The following NDST4 variants were observed in gnomAD, a reference collection of about 807,000 sequenced individuals.
NDST4 encodes the protein N-deacetylase and N-sulfotransferase 4, also known as N-heparan sulfate sulfotransferase 4.
In NDST4, 63 loss-of-function variants were observed where a neutral mutation model predicts 100.8. That is an observed-to-expected ratio of 0.62 (90% CI 0.51 to 0.77). The LOEUF (loss-of-function observed/expected upper bound fraction) is 0.77. NDST4 is among the 30% of genes least tolerant of loss of function. The pLI is 0.00. For missense variants in NDST4, 943 were observed against 1,018.4 expected (o/e 0.93, Z 1.01); for synonymous variants, 377 against 361.8 (o/e 1.04, Z -0.48).
intron 6 of NDST4, among the ~76,000 whole-genome samples, chr4:114,875,661 A>G (rs1256863721): frequency 2.0e-5 from 3 of 152,352 alleles, no homozygotes; most frequent in South Asian, 2.1e-4. Context: ...TGCAAATTAT[A>G]CAATTAATTG....
At chr4:114,914,608 TG>T (rs1258156094) in intron 6 of NDST4, among the ~76,000 whole-genome samples, 1 of 152,166 alleles carries the variant, frequency 6.6e-6, no homozygotes, top group Non-Finnish European at 1.5e-5. Flanking sequence ...GTGTAGACTA[TG>T]GGGAACATTT....
At chr4:115,014,205 C>A (rs1031707775) in intron 2 of NDST4, among the ~76,000 whole-genome samples, 4 of 152,016 alleles carry the variant, frequency 2.6e-5, no homozygotes, top group African/African-American at 9.7e-5. Flanking sequence ...TTTGCACTAC[C>A]CTGAGTCTCA....
chr4:115,017,890 A>G (rs900072825), intron 2 of NDST4, among the ~76,000 whole-genome samples: 5 of 151,962 alleles, frequency 3.3e-5, no homozygotes, highest in African/African-American at 1.2e-4. Context: ...TAGAGAAAGT[A>G]TATCTGGTTA....
intron 2 of NDST4, among the ~76,000 whole-genome samples, chr4:115,047,617 C>G (rs1728491658): frequency 6.6e-6 from 1 of 151,972 alleles, no homozygotes; most frequent in South Asian, 2.1e-4. Flanking sequence ...TGCTATTACA[C>G]AAAATATTTT....
chr4:115,026,143 A>T (rs1372088285), intron 2 of NDST4, among the ~76,000 whole-genome samples: 3 of 152,048 alleles, frequency 2.0e-5, no homozygotes, highest in Non-Finnish European at 4.4e-5. Flanking sequence ...GATTGCATGT[A>T]CTTTAACCTT....
intron 6 of NDST4, among the ~76,000 whole-genome samples, chr4:114,929,074 G>GTCCGTCCATCCATCCATCCATCCA (rs1560816975): frequency 8.3e-6 from 1 of 120,560 alleles, no homozygotes; most frequent in African/African-American, 3.4e-5. Context: ...CCGTCCGTCC[G>GTCCGTCCATCCATCCATCCATCCA]TCCATCCATC....
At chr4:114,922,988 G>A (rs1001236032) in intron 6 of NDST4, among the ~76,000 whole-genome samples, 4 of 152,138 alleles carry the variant, frequency 2.6e-5, no homozygotes, top group African/African-American at 9.7e-5. Context: ...AGAAAGCAGA[G>A]ATGAAATCTG....
intron 2 of NDST4, among the ~76,000 whole-genome samples, chr4:114,991,205 T>A (rs1198128964): frequency 6.6e-6 from 1 of 152,008 alleles, no homozygotes; most frequent in Non-Finnish European, 1.5e-5. Flanking sequence ...CATGGTGCAC[T>A]TATTTAAGAC....
chr4:114,912,515 G>A (rs772645264), intron 6 of NDST4, among the ~76,000 whole-genome samples: 9 of 152,138 alleles, frequency 5.9e-5, no homozygotes, highest in Non-Finnish European at 1.3e-4. Flanking sequence ...CATGTTGGCA[G>A]TTAAACCCGA....
At chr4:114,865,222 G>C (rs1724002417) in intron 7 of NDST4, among the ~76,000 whole-genome samples, 1 of 151,872 alleles carries the variant, frequency 6.6e-6, no homozygotes, top group Non-Finnish European at 1.5e-5. Context: ...ACACCACCAT[G>C]CCTGGCTAAT....
Position 115,076,965 on chromosome 4 carries a change from C to T in NDST4, c.72G>A (p.Val24=). 1 of 1,613,342 alleles carries T rather than the reference C, an allele frequency of 6.2e-7. No homozygotes were observed. Among genetic ancestry groups the T allele is most frequent in the Non-Finnish European group, 8.5e-7 (1 of 1,179,630 alleles). ...GAAAATAGGCAGAAATGACAATGCT[C>T]ACCAAGCAAAAGGTAGCTAAGAGAA... ...LIVLLATFCL[V]SIVISAYFLY... is the part of the protein sequence containing the mutation. The change falls in exon 2 of 14, where the codon GTG becomes GTA. Residue 24 remains valine (V), a synonymous_variant. Transcript: ENST00000264363.
Position 114,839,534 on chromosome 4 carries a change from A to C in NDST4, c.2130T>G (p.His710Gln). 3 of 1,613,392 alleles carry C rather than the reference A, an allele frequency of 1.9e-6. No individual in the cohort carries two copies. The highest frequency in any genetic ancestry group is 2.5e-6 in the Non-Finnish European group (3 of 1,179,666). ...AYSWYQHQRSHEDPAALRFNF... is the reference protein window; with the variant it reads ...AYSWYQHQRSQEDPAALRFNF... ...TGAACCTCAGAGCAGCTGGATCTTC[A>C]TGTGATCGTTGGTGCTTTAACAAGA... is the stretch of plus-strand genomic sequence containing the variant. The change falls in exon 11 of 14, where the codon CAT (histidine) becomes CAG (glutamine). Residue 710 changes from histidine (H) to glutamine (Q), a missense_variant. By Grantham distance (24) the His-to-Gln change is conservative. Coordinates refer to ENST00000264363, the MANE Select transcript of NDST4 (RefSeq NM_022569.3).
At chr4:114,946,416 C>T (rs1435367059) in intron 4 of NDST4, among the ~76,000 whole-genome samples, 2 of 151,920 alleles carry the variant, frequency 1.3e-5, no homozygotes, top group Non-Finnish European at 2.9e-5. Flanking sequence ...AAAAATAAAG[C>T]AGAAATATAG....
intron 4 of NDST4, among the ~76,000 whole-genome samples, chr4:114,970,091 A>G (rs1373227505): frequency 6.6e-6 from 1 of 151,380 alleles, no homozygotes; most frequent in Non-Finnish European, 1.5e-5. Context: ...ATTATTTTTG[A>G]ATGGTTAATT....
intron 12 of NDST4, among the ~76,000 whole-genome samples, chr4:114,831,583 C>T (rs1418773250): frequency 6.6e-6 from 1 of 152,202 alleles, no homozygotes; most frequent in Non-Finnish European, 1.5e-5. Flanking sequence ...CTGAGAGCAT[C>T]TCCTTTGCTC....
At chr4:115,049,014 T>C (rs1728525091) in intron 2 of NDST4, among the ~76,000 whole-genome samples, 1 of 152,274 alleles carries the variant, frequency 6.6e-6, no homozygotes, top group Non-Finnish European at 1.5e-5. Context: ...ATATTGTGAA[T>C]GTTAAAGAGT....
chr4:115,022,275 C>T (rs1727852744), intron 2 of NDST4, among the ~76,000 whole-genome samples: 1 of 151,458 alleles, frequency 6.6e-6, no homozygotes, highest in Admixed American at 6.6e-5. Context: ...AGTTCCACGT[C>T]TATGCACGTT....
intron 2 of NDST4, among the ~76,000 whole-genome samples, chr4:115,052,380 C>A (rs1728600839): frequency 6.6e-6 from 1 of 152,090 alleles, no homozygotes; most frequent in African/African-American, 2.4e-5. Context: ...TGTAGTTTGT[C>A]AGGATAAAGT....
At chr4:114,981,254 GAAGGAAGGAAGGAAGA>G (rs1477613140) in intron 2 of NDST4, among the ~76,000 whole-genome samples, 16 of 123,518 alleles carry the variant, frequency 1.3e-4, no homozygotes, top group African/African-American at 4.4e-4. Flanking sequence ...AGGAAGGAAG[GAAGGAAGGAAGGAAGA>G]AAGCAGGAAA....
Sources: gnomAD v4.1 joint callset for allele counts (sites outside exome capture counted in the v4.1 genomes callset) on GRCh38, gnomAD v4.1.1 for gene constraint, MANE v1.5 for transcripts, NCBI Gene and HGNC (gene_info 2026-07-23, HGNC 2026-07-21) for gene names.